Variants in SYT2 observed in about 807,000 individuals in gnomAD.
SYT2 encodes the protein synaptotagmin-2.
Under a neutral mutation model 39.9 loss-of-function variants are expected in SYT2, and 15 were observed. That is an observed-to-expected ratio of 0.38 (90% CI 0.25 to 0.58). SYT2 has a LOEUF of 0.58. SYT2 is among the 20% of genes least tolerant of loss of function. SYT2 has a pLI of 0.70. For synonymous variants in SYT2, 181 were observed against 204.5 expected (o/e 0.89, Z 0.98); for missense variants, 389 against 530.3 (o/e 0.73, Z 2.62).
At chr1:202,626,791 T>G (rs1691430256) in intron 1 of SYT2, among the ~76,000 whole-genome samples, 1 of 152,176 alleles carries the variant, frequency 6.6e-6, no homozygotes, top group South Asian at 2.1e-4. Flanking sequence ...CAGCCAGGGC[T>G]GCTTTCCAAC....
At position 202,691,742 on chromosome 1, in the gene SYT2, A is replaced by G. The variant is rs1266852501; in HGVS notation, c.-18+18516T>C. Among the ~76,000 whole-genome samples, 21 of 75,390 alleles carry G rather than the reference A, an allele frequency of 2.8e-4. 1 individual carries two copies. The highest frequency in any genetic ancestry group is 1.1e-3 in the African/African-American group (19 of 17,658). The allele number at this position is 75,390 out of a possible 152,430, so 49.5% of individuals were successfully genotyped here. A position where few individuals can be genotyped will look rare whatever the true frequency, so the allele number is the denominator to read the frequency against. ...GAGAGGGAGAGGGGGGGAGAGAGAG[A>G]GAGAGAGAGAGAGAGAGAGAGAGAG... On this transcript the variant is annotated intron_variant, in intron 1 of 8. Coordinates refer to ENST00000367268, the MANE Select transcript of SYT2 (RefSeq NM_177402.5).
chr1:202,629,228 G>T (rs975324713), intron 1 of SYT2, among the ~76,000 whole-genome samples: 2 of 152,132 alleles, frequency 1.3e-5, no homozygotes, highest in Non-Finnish European at 2.9e-5. Flanking sequence ...TTTAGCTCCA[G>T]CCCAGATGGC....
At chr1:202,685,015 G>A (rs1653625738) in intron 1 of SYT2, among the ~76,000 whole-genome samples, 1 of 152,148 alleles carries the variant, frequency 6.6e-6, no homozygotes, top group South Asian at 2.1e-4. Context: ...ACTAGGACAA[G>A]GGCAGTGGCA....
At chr1:202,597,987 A>G (rs1445158342) in intron 8 of SYT2, among the ~76,000 whole-genome samples, 3 of 152,180 alleles carry the variant, frequency 2.0e-5, no homozygotes, top group African/African-American at 4.8e-5. Flanking sequence ...GCCTCACTAC[A>G]GTCCTCCGCT....
intron 1 of SYT2, among the ~76,000 whole-genome samples, chr1:202,667,500 T>C (rs912757644): frequency 1.9e-4 from 27 of 140,692 alleles, no homozygotes; most frequent in African/African-American, 6.4e-4. Flanking sequence ...TGTGTGTGTG[T>C]GTGTGTGTGT....
chr1:202,613,442 T>TATATA (rs1213193296), intron 1 of SYT2, among the ~76,000 whole-genome samples: 7 of 152,168 alleles, frequency 4.6e-5, no homozygotes, highest in Non-Finnish European at 8.8e-5. Context: ...GGTGGAGTCC[T>TATATA]TAGGATTTTC....
In SYT2 at chr1:202,603,062, C is replaced by T; in HGVS notation, c.402G>A (p.Glu134=). The part of the protein sequence containing the change: ...LTEGEGEGEE[E]KEPENLGKLQ... Reference sequence around the variant, plus strand: ...GTTTGCCCAGGTTCTCTGGCTCTTTCTCCTCCTCCCCTTCACCTTCCCCCT... The same window carrying T: ...GTTTGCCCAGGTTCTCTGGCTCTTTTTCCTCCTCCCCTTCACCTTCCCCCT... The change falls in exon 4 of 9, where the codon GAG becomes GAA. Residue 134 remains glutamate (E), a synonymous_variant. Coordinates refer to ENST00000367268, the MANE Select transcript of SYT2 (RefSeq NM_177402.5). 1.9e-6 allele frequency: 3 copies of T among 1,614,076 alleles called. No individual in the cohort carries two copies. Among genetic ancestry groups the T allele is most frequent in the Non-Finnish European group, 2.5e-6 (3 of 1,179,978 alleles).
intron 1 of SYT2, among the ~76,000 whole-genome samples, chr1:202,636,167 C>T (rs1691735419): frequency 6.6e-6 from 1 of 152,110 alleles, no homozygotes; most frequent in Non-Finnish European, 1.5e-5. Flanking sequence ...CAGAAACACT[C>T]CTTCTCTCTT....
At chr1:202,705,450 G>T (rs1654224411) in intron 1 of SYT2, among the ~76,000 whole-genome samples, 1 of 152,262 alleles carries the variant, frequency 6.6e-6, no homozygotes, top group Non-Finnish European at 1.5e-5. Flanking sequence ...GACAGCAAAA[G>T]CTGAAATCCT....
chr1:202,643,810 G>A (rs1572653145), intron 1 of SYT2, among the ~76,000 whole-genome samples: 1 of 152,080 alleles, frequency 6.6e-6, no homozygotes, highest in Non-Finnish European at 1.5e-5. Flanking sequence ...GGAGCCCTAC[G>A]GGACTCCCCC....
At chr1:202,690,538 T>C (rs1653794076) in intron 1 of SYT2, among the ~76,000 whole-genome samples, 1 of 152,226 alleles carries the variant, frequency 6.6e-6, no homozygotes. Context: ...CCATCAGTGC[T>C]GCATGAGTCC....
chr1:202,638,539 T>C (rs1018376373), intron 1 of SYT2, among the ~76,000 whole-genome samples: 4 of 152,190 alleles, frequency 2.6e-5, no homozygotes, highest in Admixed American at 6.5e-5. Flanking sequence ...AGCTGGAAGC[T>C]GGGGAGGTGT....
At chr1:202,685,897 C>T (rs906624615) in intron 1 of SYT2, among the ~76,000 whole-genome samples, 1 of 152,090 alleles carries the variant, frequency 6.6e-6, no homozygotes, top group Non-Finnish European at 1.5e-5. Flanking sequence ...GACACAGTCT[C>T]AGAGGCTCTG....
intron 1 of SYT2, among the ~76,000 whole-genome samples, chr1:202,657,119 G>A (rs1381099992): frequency 6.6e-6 from 1 of 152,228 alleles, no homozygotes; most frequent in East Asian, 1.9e-4. Flanking sequence ...GAGAAGCACA[G>A]CACACCCTAC....
In SYT2 at chr1:202,601,914, G is replaced by A. The variant is rs747538534; in HGVS notation, c.777C>T (p.Asp259=). The A allele has an allele frequency of 1.2e-6, 2 of 1,614,054 alleles. No individual in the cohort carries two copies. Among genetic ancestry groups the A allele is most frequent in the South Asian group, 2.2e-5 (2 of 91,058 alleles). ...DLGQPIEEWR[D]LQGGEKEEPE... Reference sequence around the variant, plus strand: ...CCTCCTCCTTTTCCCCGCCTTGCAGGTCTCTCCACTCCTCAATGGGCTGGC... The same window carrying A: ...CCTCCTCCTTTTCCCCGCCTTGCAGATCTCTCCACTCCTCAATGGGCTGGC... The change falls in exon 6 of 9, where the codon GAC becomes GAT. Residue 259 remains aspartate (D), a synonymous_variant. Coordinates refer to ENST00000367268, the MANE Select transcript of SYT2 (RefSeq NM_177402.5). The surrounding 1 kb of genome is among the most constrained non-coding windows in gnomAD (Gnocchi z 4.0).
chr1:202,630,655 C>T (rs781513551), intron 1 of SYT2, among the ~76,000 whole-genome samples: 14 of 151,954 alleles, frequency 9.2e-5, no homozygotes, highest in African/African-American at 1.7e-4. Flanking sequence ...ATGACACAGC[C>T]GAACACACCC....
At chr1:202,659,540 T>C (rs1692341224) in intron 1 of SYT2, among the ~76,000 whole-genome samples, 1 of 152,214 alleles carries the variant, frequency 6.6e-6, no homozygotes, top group Non-Finnish European at 1.5e-5. Flanking sequence ...AGTGGCATTT[T>C]AGCCTTGGAA....
intron 1 of SYT2, among the ~76,000 whole-genome samples, chr1:202,686,745 C>A (rs1358805034): frequency 6.6e-6 from 1 of 152,226 alleles, no homozygotes. Context: ...TCTTCCAAAT[C>A]ATTTTTCATA....
intron 5 of SYT2, 101 bp downstream of exon 5, chr1:202,602,277 C>G: frequency 7.2e-7 from 1 of 1,387,666 alleles, no homozygotes; most frequent in Non-Finnish European, 1.0e-6. Flanking sequence ...TGCCATTGTT[C>G]CAGGCTGAGC....
Sources: gnomAD v4.1 joint callset for allele counts (sites outside exome capture counted in the v4.1 genomes callset) on GRCh38, gnomAD v4.1.1 for gene constraint, Gnocchi (gnomAD v3.1) non-coding constraint, MANE v1.5 for transcripts, NCBI Gene and HGNC (gene_info 2026-07-23, HGNC 2026-07-21) for gene names.